Variants in SH3RF3 observed in about 807,000 individuals in gnomAD.
The protein encoded by SH3RF3 is E3 ubiquitin-protein ligase SH3RF3.
Under a neutral mutation model 66.3 loss-of-function variants are expected in SH3RF3, and 29 were observed. The observed-to-expected ratio is 0.44, with a 90% CI of 0.33 to 0.60. SH3RF3 has a LOEUF of 0.60. Ranked by LOEUF, SH3RF3 falls within the 20% of genes least tolerant of loss-of-function variation. The pLI is 0.04. For synonymous variants in SH3RF3, 583 were observed against 532.0 expected (o/e 1.10, Z -1.32); for missense variants, 1,194 against 1,190.9 (o/e 1.00, Z -0.04).
chr2:109,317,663 C>G (rs1681919922), intron 1 of SH3RF3, among the ~76,000 whole-genome samples: 2 of 152,188 alleles, frequency 1.3e-5, no homozygotes, highest in African/African-American at 2.4e-5. Flanking sequence ...TAAATGACTT[C>G]AGGTACATAA....
intron 1 of SH3RF3, among the ~76,000 whole-genome samples, chr2:109,215,617 G>A (rs1244473473): frequency 2.0e-5 from 3 of 151,992 alleles, no homozygotes; most frequent in Non-Finnish European, 4.4e-5. Flanking sequence ...GTTCTTCCTC[G>A]GTGACTCTGG....
At chr2:109,133,340 T>A (rs895459372) in intron 1 of SH3RF3, among the ~76,000 whole-genome samples, 33 of 152,256 alleles carry the variant, frequency 2.2e-4, no homozygotes, top group African/African-American at 7.5e-4. Context: ...ATCTCTTCTG[T>A]GTCTCTTTGA....
At chr2:109,154,778 T>C (rs1453303484) in intron 1 of SH3RF3, among the ~76,000 whole-genome samples, 1 of 152,108 alleles carries the variant, frequency 6.6e-6, no homozygotes, top group Non-Finnish European at 1.5e-5. Context: ...AGTGTATGTG[T>C]TTTTGGAGAC....
intron 1 of SH3RF3, among the ~76,000 whole-genome samples, chr2:109,191,976 C>T (rs190258239): frequency 2.6e-5 from 4 of 152,272 alleles, no homozygotes; most frequent in Admixed American, 1.3e-4. Flanking sequence ...CCTCACACTC[C>T]AGCCCCTACA....
At chr2:109,423,215 G>A (rs936625667) in intron 5 of SH3RF3, among the ~76,000 whole-genome samples, 1 of 152,122 alleles carries the variant, frequency 6.6e-6, no homozygotes, top group Non-Finnish European at 1.5e-5. Flanking sequence ...CCTGCAACAG[G>A]GAAAGGGAAG....
At chr2:109,191,458 G>A (rs551252829) in intron 1 of SH3RF3, among the ~76,000 whole-genome samples, 20 of 152,258 alleles carry the variant, frequency 1.3e-4, no homozygotes, top group African/African-American at 4.3e-4. Context: ...GTTTGGGTGC[G>A]GCCAGGCTGT....
At chr2:109,200,941 G>A (rs1200471217) in intron 1 of SH3RF3, among the ~76,000 whole-genome samples, 3 of 152,260 alleles carry the variant, frequency 2.0e-5, no homozygotes, top group South Asian at 2.1e-4. Flanking sequence ...TGCAGACCTC[G>A]CAGTGGCCCG....
At chr2:109,383,151 A>T (rs1278952647) in intron 3 of SH3RF3, among the ~76,000 whole-genome samples, 1 of 152,232 alleles carries the variant, frequency 6.6e-6, no homozygotes, top group Admixed American at 6.5e-5. Context: ...CTTTTCAGGC[A>T]TGGAAGTGAA....
In SH3RF3 at chr2:109,419,621, A is replaced by G. The variant is rs904899060; in HGVS notation, c.1382A>G (p.Lys461Arg). The G allele has an allele frequency of 2.5e-6, 4 of 1,586,254 alleles. No individual in the cohort carries two copies. In the African/African-American group the frequency reaches 4.0e-5, roughly 16 times the overall value. ...SVSGEQGTPP[K>R]VQLPLNVYLA... is the part of the protein sequence containing the mutation. ...TCTGGAGAGCAGGGCACGCCTCCCA[A>G]GGTCCAGCTGCCCCTCAACGTGTGA... The change falls in exon 5 of 10, where the codon AAG (lysine) becomes AGG (arginine). Residue 461 changes from lysine to arginine, a missense_variant. Transcript: ENST00000309415.
chr2:109,199,612 T>TCGTTCC (rs1574499835), intron 1 of SH3RF3, among the ~76,000 whole-genome samples: 3 of 336 alleles, frequency 8.9e-3, no homozygotes, highest in Non-Finnish European at 0.014. Context: ...TGGAATGGAA[T>TCGTTCC]GGAATGGAAT....
intron 1 of SH3RF3, among the ~76,000 whole-genome samples, chr2:109,296,484 C>T (rs1188579843): frequency 6.6e-6 from 1 of 152,028 alleles, no homozygotes; most frequent in East Asian, 1.9e-4. Flanking sequence ...TCAAGTGATC[C>T]ACCCGCTTCA....
At chr2:109,410,410 G>A (rs1031000430) in intron 4 of SH3RF3, among the ~76,000 whole-genome samples, 2 of 152,206 alleles carry the variant, frequency 1.3e-5, no homozygotes, top group Admixed American at 6.5e-5. Context: ...ACCTCGGTGC[G>A]GAGGGCCCCT....
At chr2:109,456,504 C>G (rs568097097) in intron 8 of SH3RF3, among the ~76,000 whole-genome samples, 1 of 152,226 alleles carries the variant, frequency 6.6e-6, no homozygotes, top group Non-Finnish European at 1.5e-5. Flanking sequence ...AATGTCCCGT[C>G]AGAGCACAGG....
At chr2:109,403,391 A>G (rs1215977668) in intron 4 of SH3RF3, among the ~76,000 whole-genome samples, 1 of 152,136 alleles carries the variant, frequency 6.6e-6, no homozygotes, top group African/African-American at 2.4e-5. Context: ...CAGTGAGCCA[A>G]TTGTTCATTG....
intron 1 of SH3RF3, among the ~76,000 whole-genome samples, chr2:109,190,708 A>T (rs956770557): frequency 3.3e-5 from 5 of 152,014 alleles, no homozygotes; most frequent in East Asian, 1.9e-4. Flanking sequence ...CTTCAAAAAA[A>T]TTTGCTAGGT....
chr2:109,384,566 A>G (rs2104390235), intron 3 of SH3RF3, among the ~76,000 whole-genome samples: 1 of 152,132 alleles, frequency 6.6e-6, no homozygotes, highest in South Asian at 2.1e-4. Context: ...CTCTGAGGAC[A>G]TTGGCATCTG....
chr2:109,479,714 TAGAA>T (rs1355521459), intron 8 of SH3RF3, among the ~76,000 whole-genome samples: 6 of 152,174 alleles, frequency 3.9e-5, no homozygotes, highest in African/African-American at 1.4e-4. Context: ...TTCTTAATGT[TAGAA>T]AGGAGGGAAT....
intron 2 of SH3RF3, among the ~76,000 whole-genome samples, chr2:109,353,541 G>A (rs541306166): frequency 3.9e-5 from 6 of 152,310 alleles, no homozygotes; most frequent in South Asian, 2.1e-4. Context: ...CTGGAGGGAC[G>A]TGGAGGGAAG....
intron 1 of SH3RF3, among the ~76,000 whole-genome samples, chr2:109,228,061 G>A (rs1679412723): frequency 6.6e-6 from 1 of 152,176 alleles, no homozygotes; most frequent in Admixed American, 6.5e-5. Flanking sequence ...CCAGACACAG[G>A]TACGAGTGTC....
Sources: allele counts gnomAD v4.1 joint callset (sites outside exome capture counted in the v4.1 genomes callset), GRCh38; gene constraint gnomAD v4.1.1; transcripts MANE v1.5; gene names NCBI Gene and HGNC (gene_info 2026-07-23, HGNC 2026-07-21).